Variants in ACTR3C observed in about 807,000 individuals in gnomAD.
ACTR3C encodes the protein actin-related protein 3C.
ACTR3C carries 18 observed loss-of-function variants against 26.3 expected under a neutral mutation model. The observed-to-expected ratio is 0.68, with a 90% confidence interval of 0.47 to 1.01. The LOEUF is 1.01. Ranked by LOEUF, ACTR3C falls within the 50% of genes least tolerant of loss-of-function variation. The pLI, the probability that ACTR3C is intolerant of heterozygous loss-of-function variation, is 0.00. For synonymous variants in ACTR3C, 55 were observed against 94.5 expected (o/e 0.58, Z 2.42); for missense variants, 184 against 250.7 (o/e 0.73, Z 1.80).
rs1053912222 is a variant in ACTR3C, at chr7:150,274,150, C to T, written c.564+10603G>A. Among the ~76,000 whole-genome samples the T allele has an allele frequency of 1.1e-4, 16 of 151,986 alleles. No homozygotes were observed. Among genetic ancestry groups the T allele is most frequent in the Non-Finnish European group, 2.4e-4 (16 of 68,008 alleles). On this transcript the variant is annotated intron_variant, in intron 6 of 7. Coordinates refer to ENST00000683684, the MANE Select transcript of ACTR3C (RefSeq NM_001164458.2). The surrounding 1 kb of genome is among the most constrained non-coding windows in gnomAD (Gnocchi z 4.1). ...AATAAAGCAAGGCTGGGCAAAATGA[C>T]GTGGGAAAAAGCGCCGAGGTGCAGT...
chr7:150,258,968 AT>A (rs1264775993), intron 6 of ACTR3C, among the ~76,000 whole-genome samples: 1 of 151,922 alleles, frequency 6.6e-6, no homozygotes, highest in Non-Finnish European at 1.5e-5. Context: ...CATTGATTTG[AT>A]AAATGTGTTT....
chr7:149,941,074 C>T, the ACTR3C span, among the ~76,000 whole-genome samples: 2 of 152,310 alleles, frequency 1.3e-5, no homozygotes, highest in Admixed American at 6.5e-5. Context: ...GACCTTCTGT[C>T]CCCTGGGCTC....
intron 1 of ACTR3C, among the ~76,000 whole-genome samples, chr7:150,322,042 T>TG (rs1797570584): frequency 6.6e-6 from 1 of 152,236 alleles, no homozygotes; most frequent in Admixed American, 6.5e-5. Flanking sequence ...GGAACCAACA[T>TG]GGGACAAACA....
At chr7:149,898,334 T>A in the ACTR3C span, among the ~76,000 whole-genome samples, 3 of 152,332 alleles carry the variant, frequency 2.0e-5, no homozygotes, top group Admixed American at 2.0e-4. Context: ...CCAACACAAG[T>A]GACAGATACT....
chr7:150,169,558 G>GA, the ACTR3C span, among the ~76,000 whole-genome samples: 3 of 150,202 alleles, frequency 2.0e-5, no homozygotes, highest in Admixed American at 6.6e-5. Context: ...AGAACTGTGG[G>GA]AAAAAAATGA....
the ACTR3C span, among the ~76,000 whole-genome samples, chr7:150,048,672 G>T: frequency 3.3e-5 from 5 of 149,324 alleles, no homozygotes; most frequent in African/African-American, 1.2e-4. Flanking sequence ...CTGCGGCGCC[G>T]GGCTCCCCGC....
chr7:149,884,462 A>G, the ACTR3C span, among the ~76,000 whole-genome samples: 1 of 152,238 alleles, frequency 6.6e-6, no homozygotes, highest in South Asian at 2.1e-4. Context: ...TATGCTGGAA[A>G]TTGATGAGAG....
chr7:150,280,966 G>A (rs1835281521), intron 6 of ACTR3C, among the ~76,000 whole-genome samples: 1 of 152,234 alleles, frequency 6.6e-6, no homozygotes, highest in Non-Finnish European at 1.5e-5. Context: ...TCAAGGCGCA[G>A]GTGTGGCAGA....
chr7:150,173,420 C>T, the ACTR3C span, among the ~76,000 whole-genome samples: 2 of 147,072 alleles, frequency 1.4e-5, no homozygotes, highest in East Asian at 3.9e-4. Context: ...AACTGGGACA[C>T]AGGGTACCAA....
the ACTR3C span, among the ~76,000 whole-genome samples, chr7:150,011,316 G>T: frequency 4.0e-5 from 6 of 151,888 alleles, no homozygotes. Flanking sequence ...GCTGGGTGCG[G>T]TGGCTCACGC....
At chr7:150,035,252 AC>A in the ACTR3C span, among the ~76,000 whole-genome samples, 304 of 84,924 alleles carry the variant, frequency 3.6e-3, 6 homozygotes, top group African/African-American at 7.6e-3. Context: ...CAGTGGGGGA[AC>A]CAGGGGCTGG....
the ACTR3C span, among the ~76,000 whole-genome samples, chr7:150,121,136 TG>T: frequency 1.1e-4 from 17 of 152,306 alleles, no homozygotes; most frequent in Admixed American, 1.1e-3. Context: ...TCACACTGAA[TG>T]GGCAAAAGCT....
chr7:150,078,589 C>T, the ACTR3C span, among the ~76,000 whole-genome samples: 1 of 151,100 alleles, frequency 6.6e-6, no homozygotes, highest in Non-Finnish European at 1.5e-5. Context: ...TCTAGGATTC[C>T]TCCCATTGAG....
At chr7:150,173,146 G>A in the ACTR3C span, among the ~76,000 whole-genome samples, 2 of 150,376 alleles carry the variant, frequency 1.3e-5, 1 homozygote, top group African/African-American at 5.0e-5. Flanking sequence ...ACTCTGTGTG[G>A]GGGCTCCGAT....
intron 1 of ACTR3C, among the ~76,000 whole-genome samples, chr7:150,301,304 G>A (rs62502657): frequency 1.3e-5 from 2 of 152,210 alleles, no homozygotes; most frequent in African/African-American, 4.8e-5. Flanking sequence ...TACAGCTGGG[G>A]AAGGTTTCTT....
At chr7:150,182,872 G>A in the ACTR3C span, among the ~76,000 whole-genome samples, 1 of 150,892 alleles carries the variant, frequency 6.6e-6, no homozygotes, top group East Asian at 1.9e-4. Context: ...TAATGGACAA[G>A]GCTGAATAAA....
chr7:149,881,843 G>C, the ACTR3C span: 2 of 152,666 alleles, frequency 1.3e-5, no homozygotes, highest in Non-Finnish European at 1.5e-5. Context: ...CAACAGGAGA[G>C]AGTGGTTGAG....
the ACTR3C span, among the ~76,000 whole-genome samples, chr7:149,957,259 G>A: frequency 2.0e-5 from 3 of 152,030 alleles, no homozygotes; most frequent in African/African-American, 4.8e-5. Flanking sequence ...GGTGCCCTCC[G>A]CACAGGAAGC....
the ACTR3C span, among the ~76,000 whole-genome samples, chr7:150,179,733 C>T: frequency 6.6e-6 from 1 of 151,740 alleles, no homozygotes; most frequent in African/African-American, 2.4e-5. Flanking sequence ...TCAAGAAATC[C>T]TCCCTGCTTG....
Sources: allele counts gnomAD v4.1 joint callset (sites outside exome capture counted in the v4.1 genomes callset), GRCh38; gene constraint gnomAD v4.1.1; non-coding constraint Gnocchi (gnomAD v3.1); transcripts MANE v1.5; gene names NCBI Gene and HGNC (gene_info 2026-07-23, HGNC 2026-07-21).